The following DSC2 variants were observed in gnomAD, a reference collection of about 807,000 sequenced individuals.
DSC2 encodes the protein desmocollin 2.
Under a neutral mutation model 87.6 loss-of-function variants are expected in DSC2, and 51 were observed. The ratio of observed to expected loss-of-function variants is 0.58; its 90% CI spans 0.46 to 0.74. DSC2 has a LOEUF of 0.74. DSC2 is among the 30% of genes least tolerant of loss of function. The probability of loss-of-function intolerance (pLI) is 0.00; values close to 1 mark genes in which losing one functional copy is unlikely to be tolerated. For synonymous variants in DSC2, 383 were observed against 393.2 expected (o/e 0.97, Z 0.31); for missense variants, 1,066 against 1,089.5 (o/e 0.98, Z 0.30).
At chr18:31,089,714 T>C in intron 4 of DSC2, 120 bp from the exon 5 acceptor site, 1 of 947,964 alleles carries the variant, frequency 1.1e-6, no homozygotes, top group Non-Finnish European at 1.5e-6. Flanking sequence ...AATTTATTAT[T>C]ATATATAAAT....
At chr18:31,082,496 C>A in intron 8 of DSC2, 73 bp from the exon 9 acceptor site, 1 of 1,329,560 alleles carries the variant, frequency 7.5e-7, no homozygotes, top group Non-Finnish European at 1.1e-6. Flanking sequence ...TGAAGTAAAT[C>A]CTACTCTTCT....
chr18:31,099,400 T>A (rs1300454892), intron 1 of DSC2, among the ~76,000 whole-genome samples: 1 of 152,214 alleles, frequency 6.6e-6, no homozygotes, highest in African/African-American at 2.4e-5. Flanking sequence ...AGTTTGGTTA[T>A]GGAAACTGAA....
intron 14 of DSC2, among the ~76,000 whole-genome samples, chr18:31,069,481 G>A (rs949151469): frequency 1.3e-5 from 2 of 151,986 alleles, no homozygotes; most frequent in East Asian, 1.9e-4. Context: ...TTGGGAGGCC[G>A]AGGCAAGCAG....
rs1986840957 is a variant in DSC2 at position 31,071,746 on chromosome 18, T to C, written c.1984A>G (p.Thr662Ala). 3.1e-6 allele frequency: 5 copies of C among 1,613,932 alleles called. No individual in the cohort carries two copies. The highest frequency in any genetic ancestry group is 1.1e-5 in the South Asian group (1 of 91,070). Residue 662 changes from threonine (T) to alanine (A), a missense_variant, in exon 13 of 16, where the codon ACT becomes GCT. Thr to Ala is a moderately conservative substitution (Grantham distance 58). Transcript: ENST00000280904. ...VRDRLGMSSV[T>A]SLDVTLCDCI... ...TCACACAGTGTAACATCCAATGAAG[T>C]GACACTAGACATGCCAAGTCTATCT...
Position 31,089,482 on chromosome 18 carries a change from T to C in DSC2, c.587A>G (p.Tyr196Cys), listed in dbSNP as rs1987518387. 1 of 1,613,788 alleles carries C rather than the reference T, an allele frequency of 6.2e-7. No homozygotes were observed. Among genetic ancestry groups the C allele is most frequent in the African/African-American group, 1.3e-5 (1 of 74,888 alleles). The change falls in exon 5 of 16, where the codon TAT becomes TGT. Residue 196 changes from tyrosine (Y) to cysteine (C), a missense_variant. Tyr to Cys is a radical substitution (Grantham distance 194, BLOSUM62 -2). Transcript: ENST00000280904. ...FYVERDTGNL[Y>C]CTRPVDREQY... Reference sequence around the variant, plus strand: ...CTCACGATCTACAGGACGAGTACAATACAAGTTTCCAGTGTCTCTCTCCAC... The same window carrying C: ...CTCACGATCTACAGGACGAGTACAACACAAGTTTCCAGTGTCTCTCTCCAC...
Position 31,067,916 on chromosome 18 carries a change from C to T in DSC2, c.*99G>A. On this transcript the variant is annotated 3_prime_UTR_variant, in exon 16 of 16. Transcript: ENST00000280904. ...TTCCATCCAAATAATGAGAGAAAAACCCCCACAAATAGCATCTTCTGCTTT... is the reference window on the plus strand; with the variant it reads ...TTCCATCCAAATAATGAGAGAAAAATCCCCACAAATAGCATCTTCTGCTTT... 14 of 1,079,354 alleles carry T rather than the reference C, an allele frequency of 1.3e-5. No homozygotes were observed. Among genetic ancestry groups the T allele is most frequent in the Non-Finnish European group, 1.8e-5 (13 of 727,904 alleles). The allele number at this position is 1,079,354 out of a possible 1,614,324, so 66.9% of individuals were successfully genotyped here.
chr18:31,068,468 T>C, intron 15 of DSC2: 1 of 1,025,466 alleles, frequency 9.8e-7, no homozygotes, highest in South Asian at 1.4e-5. Flanking sequence ...ACATAGTCAC[T>C]ACTTTCCCTT....
At chr18:31,082,789 C>T (rs1308532523) in intron 8 of DSC2, 137 bp downstream of exon 8, 1 of 944,616 alleles carries the variant, frequency 1.1e-6, no homozygotes, top group Non-Finnish European at 1.7e-6. Flanking sequence ...AACTCCTGAC[C>T]TCAGGTGATC....
rs1365278655 is a variant in DSC2 at position 31,068,890 on chromosome 18, T to G, written c.2508+4A>C. 1 of 1,613,092 alleles carries G rather than the reference T, an allele frequency of 6.2e-7. No individual in the cohort carries two copies. The highest frequency in any genetic ancestry group is 1.7e-5 in the Admixed American group (1 of 60,012). On this transcript the variant is annotated splice_donor_region_variant and intron_variant, in intron 15 of 15. Transcript: ENST00000280904. ...AGATTTGTAGGCCACTTAGGAAAAC[T>G]CACTTCACCAAGACGGGGCTGAGTA...
intron 1 of DSC2, among the ~76,000 whole-genome samples, chr18:31,100,004 T>C (rs1987884651): frequency 6.6e-6 from 1 of 152,140 alleles, no homozygotes; most frequent in African/African-American, 2.4e-5. Context: ...TCCAGTGACT[T>C]GGACCACAGG....
chr18:31,089,174 A>G (rs1987502767), intron 5 of DSC2, among the ~76,000 whole-genome samples: 1 of 151,738 alleles, frequency 6.6e-6, no homozygotes, highest in African/African-American at 2.4e-5. Flanking sequence ...CAAAAAAAAA[A>G]AAAAAAAAAC....
intron 1 of DSC2, chr18:31,101,701 C>G (rs926129586): frequency 1.7e-6 from 1 of 593,272 alleles, no homozygotes; most frequent in Non-Finnish European, 3.0e-6. Flanking sequence ...ACCTTCCCTT[C>G]CCTTGGGGAT....
At chr18:31,068,789 T>C in intron 15 of DSC2, 105 bp downstream of exon 15, 1 of 1,410,812 alleles carries the variant, frequency 7.1e-7, no homozygotes, top group South Asian at 1.2e-5. Context: ...TTAGTAGAAT[T>C]AGTAGATTCA....
rs1986727412 is a variant in DSC2, at chr18:31,068,979, G to A, written c.2423C>T (p.Ser808Phe). 1 of 1,614,088 alleles carries A rather than the reference G, an allele frequency of 6.2e-7. No homozygotes were observed. The highest frequency in any genetic ancestry group is 8.5e-7 in the Non-Finnish European group (1 of 1,180,012). ...CACCTCCGTGTGTCCTCCCCTGCAG[G>A]AGTCCAGGGTGTGATGGTGGCCAGC... Reference protein sequence around the residue: ...RGAGHHHTLDSCRGGHTEVDN... With the variant: ...RGAGHHHTLDFCRGGHTEVDN... Residue 808 changes from serine (S) to phenylalanine (F), a missense_variant, in exon 15 of 16, where the codon TCC becomes TTC. By Grantham distance (155) the Ser-to-Phe change is radical (BLOSUM62 -2). Transcript: ENST00000280904.
chr18:31,100,949 T>C (rs760495926), intron 1 of DSC2, among the ~76,000 whole-genome samples: 13 of 152,004 alleles, frequency 8.6e-5, no homozygotes, highest in Non-Finnish European at 1.6e-4. Flanking sequence ...CGAGATCCCA[T>C]CGGTCAAGCC....
At chr18:31,083,157 TAAG>T in intron 7 of DSC2, 97 bp from the exon 8 acceptor site, 1 of 1,351,872 alleles carries the variant, frequency 7.4e-7, no homozygotes, top group South Asian at 1.3e-5. Flanking sequence ...ACTAAGAATT[TAAG>T]AAGTGCATTA....
chr18:31,067,735 T>C lies in DSC2; in HGVS notation c.*280A>G, dbSNP rs1410487183. The C allele has an allele frequency of 5.3e-6, 2 of 373,966 alleles. No homozygotes were observed. The highest frequency in any genetic ancestry group is 9.8e-6 in the Non-Finnish European group (2 of 203,866). 23.2% of individuals were successfully genotyped at this position (373,966 alleles called of 1,614,324 possible). A position where few individuals can be genotyped will look rare whatever the true frequency, so the allele number is the denominator to read the frequency against. On this transcript the variant is annotated 3_prime_UTR_variant, in exon 16 of 16. Coordinates refer to ENST00000280904, the MANE Select transcript of DSC2 (RefSeq NM_024422.6). ...ATTTTATTGCACTATAAATTGGCTG[T>C]TGTCATTATACCCAAATGTAACAAA...
rs777004957 is a variant in DSC2, at chr18:31,069,115, C to T, written c.2287G>A (p.Ala763Thr). 1.7e-5 allele frequency: 27 copies of T among 1,613,956 alleles called. No homozygotes were observed. Among genetic ancestry groups the T allele is most frequent in the East Asian group, 1.1e-4 (5 of 44,872 alleles). Residue 763 changes from alanine (A) to threonine (T), a missense_variant, in exon 15 of 16, where the codon GCT (alanine) becomes ACT (threonine). Ala to Thr is a moderately conservative substitution (Grantham distance 58). Transcript: ENST00000280904. The stretch of plus-strand genomic sequence containing the variant: ...GTGCCACAAACTCCCTGAGCAGAAG[C>T]GCCCACAGTTTGGGTTGTGAAGCCA... ...ANGFTTQTVG[A>T]SAQGVCGTVG...
chr18:31,069,934 TAA>T (rs1319258332), intron 14 of DSC2, among the ~76,000 whole-genome samples: 4 of 152,270 alleles, frequency 2.6e-5, no homozygotes, highest in East Asian at 3.9e-4. Flanking sequence ...TCAAAAAGAA[TAA>T]AACTATAATT....
Sources: gnomAD v4.1 joint callset for allele counts (sites outside exome capture counted in the v4.1 genomes callset) on GRCh38, gnomAD v4.1.1 for gene constraint, MANE v1.5 for transcripts, NCBI Gene and HGNC (gene_info 2026-07-23, HGNC 2026-07-21) for gene names.